APBA2: variants seen among roughly 807,000 people sequenced by gnomAD.
The protein encoded by APBA2 is amyloid beta precursor protein binding family A member 2.
In APBA2, 30 loss-of-function variants were observed where a neutral mutation model predicts 75.0. The ratio of observed to expected loss-of-function variants is 0.40; its 90% confidence interval spans 0.30 to 0.54. The LOEUF (loss-of-function observed/expected upper bound fraction) is 0.54, where lower values mean the gene tolerates loss of function less well. APBA2 is among the 20% of genes least tolerant of loss of function. APBA2 has a pLI of 0.49. For missense variants in APBA2, 801 were observed against 1,016.1 expected, an observed-to-expected ratio of 0.79 and a Z score of 2.88; for synonymous variants, 444 against 409.6, an observed-to-expected ratio of 1.08 and a Z score of -1.01.
At chr15:29,111,735 A>G (rs2044742996) in intron 13 of APBA2, among the ~76,000 whole-genome samples, 1 of 152,080 alleles carries the variant, frequency 6.6e-6, no homozygotes, top group African/African-American at 2.4e-5. Flanking sequence ...AGGCTGTCAC[A>G]GTGGCTGCCA....
At position 29,117,175 on chromosome 15, in the gene APBA2, C is replaced by T; in HGVS notation, c.*42C>T. 1 of 1,594,638 alleles carries T rather than the reference C, an allele frequency of 6.3e-7. No individual in the cohort carries two copies. The highest frequency in any genetic ancestry group is 8.6e-7 in the Non-Finnish European group (1 of 1,163,810). On this transcript the variant is annotated 3_prime_UTR_variant, in exon 15 of 15. Coordinates refer to ENST00000683413, the MANE Select transcript of APBA2 (RefSeq NM_001353788.2). The stretch of plus-strand genomic sequence containing the variant: ...CACGCAGCCAGGACACCGGGCAGGG[C>T]CGCCCGGGCCCAGAGGAGCTGGGAG...
At chr15:29,008,090 C>T (rs2039217217) in intron 3 of APBA2, among the ~76,000 whole-genome samples, 1 of 152,124 alleles carries the variant, frequency 6.6e-6, no homozygotes, top group South Asian at 2.1e-4. Context: ...CATGGATGAA[C>T]CTTGAACCTT....
At chr15:29,017,531 G>A (rs117553263) in intron 3 of APBA2, among the ~76,000 whole-genome samples, 2,013 of 151,264 alleles carry the variant, frequency 0.013, 15 homozygotes, top group Non-Finnish European at 0.02. Flanking sequence ...CACTGCGCCC[G>A]GCTAATTTTT....
chr15:28,933,226 T>TGG (rs112255267), intron 2 of APBA2, among the ~76,000 whole-genome samples: 1 of 152,034 alleles, frequency 6.6e-6, no homozygotes, highest in African/African-American at 2.4e-5. Context: ...ACATGAACTT[T>TGG]GGGGGGGCAC....
chr15:29,040,181 A>C (rs896581994), intron 3 of APBA2, among the ~76,000 whole-genome samples: 1 of 152,022 alleles, frequency 6.6e-6, no homozygotes, highest in African/African-American at 2.4e-5. Flanking sequence ...AGAAAATCCA[A>C]CTCTCTGGTT....
At chr15:28,916,717 T>C (rs1313653119) in intron 1 of APBA2, among the ~76,000 whole-genome samples, 1 of 152,238 alleles carries the variant, frequency 6.6e-6, no homozygotes, top group Non-Finnish European at 1.5e-5. Context: ...AACAGGCCTG[T>C]AAGATCCCTC....
intron 2 of APBA2, among the ~76,000 whole-genome samples, chr15:28,922,999 G>C (rs1566801530): frequency 6.6e-6 from 1 of 152,164 alleles, no homozygotes; most frequent in Admixed American, 6.5e-5. Context: ...ACCACGCCCT[G>C]TGCAGGACGC....
chr15:28,993,206 T>A (rs1057414185), intron 2 of APBA2, among the ~76,000 whole-genome samples: 1 of 152,156 alleles, frequency 6.6e-6, no homozygotes, highest in Non-Finnish European at 1.5e-5. Flanking sequence ...CCCAGGGACT[T>A]CCCGGCTCTC....
intron 2 of APBA2, among the ~76,000 whole-genome samples, chr15:28,966,325 G>A (rs1472634532): frequency 6.6e-6 from 1 of 152,014 alleles, no homozygotes; most frequent in Non-Finnish European, 1.5e-5. Flanking sequence ...TGAATTTGTC[G>A]ATTTTTCTCT....
At chr15:29,047,385 A>G (rs1456952263) in intron 3 of APBA2, among the ~76,000 whole-genome samples, 1 of 152,192 alleles carries the variant, frequency 6.6e-6, no homozygotes, top group African/African-American at 2.4e-5. Context: ...AAACGGGATC[A>G]TTACCAGTCC....
intron 3 of APBA2, among the ~76,000 whole-genome samples, chr15:29,039,765 A>C (rs1239820760): frequency 6.6e-6 from 1 of 152,202 alleles, no homozygotes. Flanking sequence ...TTTTAACTTA[A>C]TGTACCTCCC....
chr15:28,912,529 G>A (rs1158559918), intron 1 of APBA2, among the ~76,000 whole-genome samples: 4 of 152,246 alleles, frequency 2.6e-5, no homozygotes, highest in African/African-American at 9.6e-5. Context: ...ATCTCCTGGA[G>A]CATCAGGGTG....
At chr15:28,968,568 G>T (rs1394628480) in intron 2 of APBA2, among the ~76,000 whole-genome samples, 1 of 152,144 alleles carries the variant, frequency 6.6e-6, no homozygotes, top group Admixed American at 6.5e-5. Context: ...CAGGATTAGA[G>T]GAAGTGCTCT....
intron 1 of APBA2, among the ~76,000 whole-genome samples, chr15:28,916,012 C>T (rs1363104982): frequency 2.0e-5 from 3 of 152,188 alleles, no homozygotes; most frequent in Admixed American, 1.3e-4. Flanking sequence ...CACATTTGCA[C>T]GTAAACTACT....
At chr15:28,942,687 T>C (rs1251559790) in intron 2 of APBA2, among the ~76,000 whole-genome samples, 1 of 152,028 alleles carries the variant, frequency 6.6e-6, no homozygotes, top group Admixed American at 6.6e-5. Flanking sequence ...CAGGGACACA[T>C]GTGTGGCTCC....
intron 2 of APBA2, among the ~76,000 whole-genome samples, chr15:28,935,839 A>C (rs1394067255): frequency 6.6e-6 from 1 of 152,210 alleles, no homozygotes; most frequent in East Asian, 1.9e-4. Context: ...GCTAAGTTTT[A>C]GACTACTTTA....
chr15:29,089,353 C>T (rs547443279), intron 6 of APBA2, among the ~76,000 whole-genome samples: 10 of 152,162 alleles, frequency 6.6e-5, no homozygotes, highest in Non-Finnish European at 1.3e-4. Context: ...ACCATTGTTG[C>T]ACAGAGGTCT....
intron 1 of APBA2, among the ~76,000 whole-genome samples, chr15:28,907,703 A>G (rs2033202063): frequency 6.6e-6 from 1 of 150,746 alleles, no homozygotes; most frequent in African/African-American, 2.4e-5. Context: ...CCCATCATAG[A>G]TATGACTCCG....
At chr15:29,026,759 G>GAAA (rs11408948) in intron 3 of APBA2, among the ~76,000 whole-genome samples, 1 of 145,896 alleles carries the variant, frequency 6.9e-6, no homozygotes, top group African/African-American at 2.5e-5. Flanking sequence ...TGAAAATACA[G>GAAA]AAAAAAAAAA....
Sources: gnomAD v4.1 joint callset for allele counts (sites outside exome capture counted in the v4.1 genomes callset) on GRCh38, gnomAD v4.1.1 for gene constraint, MANE v1.5 for transcripts, NCBI Gene and HGNC (gene_info 2026-07-23, HGNC 2026-07-21) for gene names.